TBCK: variants seen among roughly 807,000 people sequenced by gnomAD.
TBCK encodes TBC1 domain containing kinase, also known as TBC domain-containing protein kinase-like protein.
TBCK carries 99 observed loss-of-function variants against 113.4 expected under a neutral mutation model. The observed-to-expected ratio is 0.87, with a 90% CI of 0.74 to 1.03. The LOEUF (loss-of-function observed/expected upper bound fraction) is 1.03. Ranked by LOEUF, TBCK falls within the 50% of genes least tolerant of loss-of-function variation. The pLI, the probability that TBCK is intolerant of heterozygous loss-of-function variation, is 0.00. For missense variants in TBCK, 1,045 were observed against 1,061.3 expected, an observed-to-expected ratio of 0.98 and a Z score of 0.21; for synonymous variants, 369 against 370.8, an observed-to-expected ratio of 1.00 and a Z score of 0.05.
At chr4:106,187,480 T>G (rs968675803) in intron 22 of TBCK, among the ~76,000 whole-genome samples, 1 of 151,850 alleles carries the variant, frequency 6.6e-6, no homozygotes, top group African/African-American at 2.4e-5. Context: ...GCAGTGGCAC[T>G]ATCTTGGCTC....
rs531598640 is a variant in TBCK at position 106,222,229 on chromosome 4, G to T, written c.1774+8134C>A. Among the ~76,000 whole-genome samples the T allele has an allele frequency of 5.3e-5, 8 of 151,784 alleles. No homozygotes were observed. The East Asian group carries it at 1.5e-3, about 29-fold the overall frequency. ...CCTTATAACTTTTAATTTTTCCAAT[G>T]AAATATAAAATGAAAATAAATTGTC... On this transcript the variant is annotated intron_variant, in intron 19 of 25. Transcript: ENST00000394708.
At chr4:106,264,942 G>A (rs1762846499) in intron 3 of TBCK, among the ~76,000 whole-genome samples, 1 of 151,864 alleles carries the variant, frequency 6.6e-6, no homozygotes, top group African/African-American at 2.4e-5. Context: ...ATGGCGAGAA[G>A]GCTAGTATCA....
chr4:106,187,557 C>G (rs958534293), intron 22 of TBCK, among the ~76,000 whole-genome samples: 1 of 152,072 alleles, frequency 6.6e-6, no homozygotes, highest in Non-Finnish European at 1.5e-5. Context: ...GCCAGAATTA[C>G]AGGCGCATGC....
intron 1 of TBCK, chr4:106,315,434 A>G (rs982841612): frequency 5.3e-5 from 8 of 152,210 alleles, no homozygotes; most frequent in Non-Finnish European, 1.2e-4. Context: ...TTTATTTTAT[A>G]TATACATTCT....
chr4:106,145,014 C>T (rs1260691082), intron 23 of TBCK, among the ~76,000 whole-genome samples: 1 of 137,024 alleles, frequency 7.3e-6, no homozygotes, highest in Non-Finnish European at 1.6e-5. Flanking sequence ...GAGTGAAACT[C>T]CGTGTCAAAA....
chr4:106,072,879 T>C (rs534929415), intron 25 of TBCK, among the ~76,000 whole-genome samples: 2 of 152,342 alleles, frequency 1.3e-5, no homozygotes, highest in East Asian at 3.9e-4. Flanking sequence ...TCTTTCCACT[T>C]GATCGAATCA....
chr4:106,042,061 G>C lies in TBCK; in HGVS notation c.*4509C>G, dbSNP rs1253060698. On this transcript the variant is annotated 3_prime_UTR_variant, in exon 26 of 26. Coordinates refer to ENST00000394708, the MANE Select transcript of TBCK (RefSeq NM_001163435.3). ...TAAAGTTTGAAACTCTTCACCATTAGTTTTCCACATAAAATTGAAGTTGGT... is the reference window on the plus strand; with the variant it reads ...TAAAGTTTGAAACTCTTCACCATTACTTTTCCACATAAAATTGAAGTTGGT... 6.6e-6 allele frequency: 1 copy of C among 152,192 alleles called. No homozygotes were observed. The highest frequency in any genetic ancestry group is 1.5e-5 in the Non-Finnish European group (1 of 68,030). The allele number at this position is 152,192 out of a possible 1,614,324, so 9.4% of individuals were successfully genotyped here. A position where few individuals can be genotyped will look rare whatever the true frequency, so the allele number is the denominator to read the frequency against.
intron 12 of TBCK, among the ~76,000 whole-genome samples, chr4:106,239,042 A>C (rs1459590403): frequency 6.6e-6 from 1 of 152,088 alleles, no homozygotes; most frequent in African/African-American, 2.4e-5. Flanking sequence ...GGTGGAAAGT[A>C]ACCAATCTGA....
At chr4:106,265,277 A>AGG in intron 3 of TBCK, among the ~76,000 whole-genome samples, 1 of 152,054 alleles carries the variant, frequency 6.6e-6, no homozygotes, top group South Asian at 2.1e-4. Context: ...GCAGGTATAT[A>AGG]TATCTATGAG....
intron 25 of TBCK, among the ~76,000 whole-genome samples, chr4:106,074,961 AC>A (rs1361951613): frequency 1.3e-5 from 2 of 152,334 alleles, no homozygotes; most frequent in African/African-American, 4.8e-5. Flanking sequence ...AGAGCTCCCG[AC>A]TGGTTAACAA....
intron 3 of TBCK, among the ~76,000 whole-genome samples, chr4:106,281,684 G>A (rs1466647200): frequency 9.9e-5 from 15 of 152,162 alleles, no homozygotes; most frequent in African/African-American, 3.6e-4. Flanking sequence ...TATGGTTTTT[G>A]TCCTTCATTC....
chr4:106,173,592 C>T (rs893045408), intron 22 of TBCK, among the ~76,000 whole-genome samples: 1 of 152,030 alleles, frequency 6.6e-6, no homozygotes, highest in African/African-American at 2.4e-5. Context: ...TTATTTTTAT[C>T]TGCTTCCAAG....
At chr4:106,125,176 A>G (rs1027685108) in intron 23 of TBCK, among the ~76,000 whole-genome samples, 11 of 152,160 alleles carry the variant, frequency 7.2e-5, no homozygotes, top group Non-Finnish European at 1.5e-4. Context: ...AGGTTCCTCA[A>G]AAAACTAAAA....
At chr4:106,067,619 T>A (rs1350783588) in intron 25 of TBCK, among the ~76,000 whole-genome samples, 2 of 152,184 alleles carry the variant, frequency 1.3e-5, no homozygotes, top group Non-Finnish European at 2.9e-5. Context: ...AAGAGTTTTA[T>A]AGTTGTAGAT....
chr4:106,146,334 C>G (rs1467615104), intron 23 of TBCK, among the ~76,000 whole-genome samples: 3 of 152,064 alleles, frequency 2.0e-5, no homozygotes, highest in Non-Finnish European at 4.4e-5. Flanking sequence ...CCTCAGCAAA[C>G]TAATGCAGAA....
intron 19 of TBCK, among the ~76,000 whole-genome samples, chr4:106,215,925 A>G (rs1339324920): frequency 1.3e-5 from 2 of 150,230 alleles, no homozygotes. Flanking sequence ...TTTTTTCAGC[A>G]CCACACCACA....
chr4:106,065,862 C>G (rs1736584605), intron 25 of TBCK, among the ~76,000 whole-genome samples: 1 of 152,000 alleles, frequency 6.6e-6, no homozygotes, highest in African/African-American at 2.4e-5. Context: ...CTTAAGTAAA[C>G]TAAGATCTTT....
At chr4:106,118,368 TAAATAG>T (rs528335996) in intron 23 of TBCK, among the ~76,000 whole-genome samples, 159 of 152,370 alleles carry the variant, frequency 1.0e-3, no homozygotes, top group African/African-American at 3.6e-3. Context: ...CATTAACTTT[TAAATAG>T]AAATGGAAAT....
chr4:106,103,909 A>G (rs951673500), intron 24 of TBCK, among the ~76,000 whole-genome samples: 3 of 152,218 alleles, frequency 2.0e-5, no homozygotes, highest in Non-Finnish European at 2.9e-5. Context: ...GAACCAGGGG[A>G]TACTCCCCCA....
Sources: gnomAD v4.1 joint callset for allele counts (sites outside exome capture counted in the v4.1 genomes callset) on GRCh38, gnomAD v4.1.1 for gene constraint, MANE v1.5 for transcripts, NCBI Gene and HGNC (gene_info 2026-07-23, HGNC 2026-07-21) for gene names.